Variants in BTBD7 observed in about 807,000 individuals in gnomAD.
The protein encoded by BTBD7 is BTB domain containing 7, also known as BTB/POZ domain-containing protein 7.
Under a neutral mutation model 99.9 loss-of-function variants are expected in BTBD7, and 38 were observed. That is an observed-to-expected ratio of 0.38 (90% CI 0.29 to 0.50). The LOEUF is 0.50. Ranked by LOEUF, BTBD7 falls within the 20% of genes least tolerant of loss-of-function variation. The pLI is 0.93. For synonymous variants in BTBD7, 520 were observed against 511.4 expected (o/e 1.02, Z -0.23); for missense variants, 1,170 against 1,394.6 (o/e 0.84, Z 2.57).
At chr14:93,253,088 T>C (rs187725071) in intron 7 of BTBD7, among the ~76,000 whole-genome samples, 202 of 152,334 alleles carry the variant, frequency 1.3e-3, no homozygotes, top group African/African-American at 4.4e-3. Flanking sequence ...AAAAATTAGA[T>C]GTTTCATTTT....
At chr14:93,317,363 CTT>C (rs35376162) in intron 1 of BTBD7, among the ~76,000 whole-genome samples, 99 of 146,400 alleles carry the variant, frequency 6.8e-4, no homozygotes, top group Middle Eastern at 3.5e-3. Context: ...AATGTTGATA[CTT>C]TTTTTTTTTT....
chr14:93,300,772 G>GTGTGTGTGTGTGTGTGTA (rs1438410480), intron 1 of BTBD7, among the ~76,000 whole-genome samples: 5 of 67,868 alleles, frequency 7.4e-5, no homozygotes, highest in East Asian at 8.8e-4. Context: ...GTGTGTGTGT[G>GTGTGTGTGTGTGTGTGTA]TATATATATA....
chr14:93,245,928 C>T lies in BTBD7; in HGVS notation c.2480G>A (p.Cys827Tyr), dbSNP rs368369249. ...LPSVKAAPPD[C>Y]TSTAGLGRQT... ...TCTGCCCAGTCCTGCAGTGCTGGTA[C>T]AATCAGGCGGTGCAGCTTTCACACT... Residue 827 changes from cysteine (C) to tyrosine (Y), a missense_variant, in exon 10 of 11, where the codon TGT becomes TAT. Physicochemically the swap from Cys to Tyr is radical, Grantham distance 194 (BLOSUM62 -2). Coordinates refer to ENST00000334746, the MANE Select transcript of BTBD7 (RefSeq NM_001002860.4). 2.5e-6 allele frequency: 4 copies of T among 1,614,024 alleles called. No homozygotes were observed. The African/African-American group carries it at 4.0e-5, about 16-fold the overall frequency.
intron 5 of BTBD7, among the ~76,000 whole-genome samples, chr14:93,258,293 T>C (rs1035818957): frequency 1.3e-5 from 2 of 152,024 alleles, no homozygotes; most frequent in African/African-American, 4.8e-5. Flanking sequence ...CAGAATAAAA[T>C]TGTTAACTGT....
rs534105363 is a variant in BTBD7, at chr14:93,279,303, G to C, written c.1162+14555C>G. Among the ~76,000 whole-genome samples, 4 of 152,180 alleles carry C rather than the reference G, an allele frequency of 2.6e-5. No homozygotes were observed. The East Asian group carries it at 5.8e-4, about 22-fold the overall frequency. On this transcript the variant is annotated intron_variant, in intron 3 of 10. Transcript: ENST00000334746. ...AACCCCAGCATCTCCAGCCAAAAAGGCCTAGCTGTCATTTATCTCTAGGCC... is the reference window on the plus strand; with the variant it reads ...AACCCCAGCATCTCCAGCCAAAAAGCCCTAGCTGTCATTTATCTCTAGGCC...
chr14:93,290,992 T>TTG (rs1261719222), intron 3 of BTBD7, among the ~76,000 whole-genome samples: 2 of 141,196 alleles, frequency 1.4e-5, no homozygotes, highest in African/African-American at 2.6e-5. Flanking sequence ...GCCTAGTTTT[T>TTG]TTTTTTTTTT....
At chr14:93,245,408 G>C (rs568769075) in intron 10 of BTBD7, among the ~76,000 whole-genome samples, 1 of 152,284 alleles carries the variant, frequency 6.6e-6, no homozygotes, top group South Asian at 2.1e-4. Context: ...ACTGTACTTA[G>C]CTATAAGTAG....
chr14:93,259,269 G>A (rs1309030760), intron 5 of BTBD7, among the ~76,000 whole-genome samples: 1 of 152,100 alleles, frequency 6.6e-6, no homozygotes, highest in Non-Finnish European at 1.5e-5. Context: ...TGTAACTCAC[G>A]CCTGAATGAA....
rs962707312 is a variant in BTBD7 at position 93,245,925 on chromosome 14, G to A, written c.2483C>T (p.Thr828Ile). 1.9e-6 allele frequency: 3 copies of A among 1,614,154 alleles called. No individual in the cohort carries two copies. In the East Asian group the frequency reaches 6.7e-5, roughly 36 times the overall value. ...CTGTCTGCCCAGTCCTGCAGTGCTGGTACAATCAGGCGGTGCAGCTTTCAC... is the reference window on the plus strand; with the variant it reads ...CTGTCTGCCCAGTCCTGCAGTGCTGATACAATCAGGCGGTGCAGCTTTCAC... ...PSVKAAPPDC[T>I]STAGLGRQTV... The change falls in exon 10 of 11, where the codon ACC (threonine) becomes ATC (isoleucine). Residue 828 changes from threonine to isoleucine, a missense_variant. Thr to Ile is a moderately conservative substitution (Grantham distance 89). Transcript: ENST00000334746.
At chr14:93,301,953 T>C (rs2053009922) in intron 1 of BTBD7, among the ~76,000 whole-genome samples, 1 of 152,180 alleles carries the variant, frequency 6.6e-6, no homozygotes, top group African/African-American at 2.4e-5. Flanking sequence ...TAAAGATTTA[T>C]TAGGCAAAGC....
At chr14:93,313,962 T>A (rs958292597) in intron 1 of BTBD7, among the ~76,000 whole-genome samples, 2 of 151,930 alleles carry the variant, frequency 1.3e-5, no homozygotes. Context: ...CCCAGGCTGG[T>A]CTTGAACTCC....
At chr14:93,309,567 A>G (rs1566860862) in intron 1 of BTBD7, among the ~76,000 whole-genome samples, 1 of 151,942 alleles carries the variant, frequency 6.6e-6, no homozygotes, top group Non-Finnish European at 1.5e-5. Flanking sequence ...TTCTGAAGGA[A>G]GCTGCCACGT....
intron 6 of BTBD7, among the ~76,000 whole-genome samples, chr14:93,254,436 C>T (rs572763399): frequency 3.4e-4 from 52 of 152,076 alleles, no homozygotes; most frequent in Non-Finnish European, 6.6e-4. Flanking sequence ...TCAGTCCCCA[C>T]CCAACTCCTC....
intron 6 of BTBD7, chr14:93,255,968 TTTC>T (rs2052424717): frequency 6.6e-6 from 1 of 152,236 alleles, no homozygotes; most frequent in Non-Finnish European, 1.5e-5. Context: ...TCCACAAATA[TTTC>T]TTTTTTTAAG....
rs756685745 is a variant in BTBD7, at chr14:93,246,066, T to G, written c.2342A>C (p.Lys781Thr). The stretch of plus-strand genomic sequence containing the variant: ...AGGGTGCTGACTGGGAGGTCTTTGC[T>G]TCCAGCCTGCTTTGAGTTGGTTATG... Reference protein sequence around the residue: ...PIHNQLKAGWKQRPPSQHPSR... With the variant: ...PIHNQLKAGWTQRPPSQHPSR... Residue 781 changes from lysine to threonine, a missense_variant, in exon 10 of 11, where the codon AAG (lysine) becomes ACG (threonine). Lys to Thr is a moderately conservative substitution (Grantham distance 78, BLOSUM62 -1). This residue lies in a region of BTBD7 where 495 missense variants were observed against 525.9 expected (regional missense o/e 0.94). Transcript: ENST00000334746. 1.2e-6 allele frequency: 2 copies of G among 1,604,486 alleles called. No individual in the cohort carries two copies. Among genetic ancestry groups the G allele is most frequent in the African/African-American group, 2.8e-5 (2 of 72,382 alleles).
At chr14:93,324,399 G>A (rs983846376) in intron 1 of BTBD7, among the ~76,000 whole-genome samples, 2 of 134,534 alleles carry the variant, frequency 1.5e-5, no homozygotes, top group Non-Finnish European at 1.6e-5. Context: ...TCCAGCCTGG[G>A]TGACAGAGCG....
At chr14:93,309,017 T>C (rs1205764005) in intron 1 of BTBD7, among the ~76,000 whole-genome samples, 1 of 152,130 alleles carries the variant, frequency 6.6e-6, no homozygotes, top group Non-Finnish European at 1.5e-5. Context: ...ACTTAAAAAA[T>C]GGAAAAAACC....
chr14:93,267,661 T>TG (rs1342152312), intron 3 of BTBD7, among the ~76,000 whole-genome samples: 1 of 152,224 alleles, frequency 6.6e-6, no homozygotes, highest in Non-Finnish European at 1.5e-5. Flanking sequence ...TCATTTCCTC[T>TG]GGGAAATCTG....
chr14:93,295,864 A>G, intron 2 of BTBD7, 106 bp downstream of exon 2: 1 of 1,020,510 alleles, frequency 9.8e-7, no homozygotes, highest in Admixed American at 2.6e-5. Flanking sequence ...CTGCAGAATT[A>G]TTATAATAAC....
Sources: allele counts gnomAD v4.1 joint callset (sites outside exome capture counted in the v4.1 genomes callset), GRCh38; gene constraint gnomAD v4.1.1; regional missense constraint gnomAD v4.1.1; transcripts MANE v1.5; gene names NCBI Gene and HGNC (gene_info 2026-07-23, HGNC 2026-07-21).